Variants in POTEE observed in about 807,000 individuals in gnomAD.
POTEE encodes the protein ANKRD26-like family C member 1A.
Under a neutral mutation model 74.2 loss-of-function variants are expected in POTEE, and 21 were observed. That is an observed-to-expected ratio of 0.28 (90% confidence interval 0.20 to 0.41). The LOEUF (loss-of-function observed/expected upper bound fraction) is 0.41. POTEE is among the 10% of genes least tolerant of loss of function. POTEE has a pLI of 1.00. For synonymous variants in POTEE, 211 were observed against 432.8 expected (o/e 0.49, Z 6.36); for missense variants, 525 against 1,158.6 (o/e 0.45, Z 7.94).
chr2:131,212,025 C>T (rs1184240952), intron 2 of POTEE, among the ~76,000 whole-genome samples: 1 of 151,712 alleles, frequency 6.6e-6, no homozygotes, highest in African/African-American at 2.4e-5. Flanking sequence ...TTTTCTTTTG[C>T]TGCTGCTTCT....
chr2:131,218,891 C>G lies in POTEE; in HGVS notation c.489C>G (p.Asp163Glu). Reference protein sequence around the residue: ...PRKDLIVMLRDTDVNKKDKQK... With the variant: ...PRKDLIVMLRETDVNKKDKQK... ...AGGATCTCATCGTCATGCTCAGGGA[C>G]ACTGACGTGAACAAGAAGGACAAGC... The change falls in exon 4 of 18, where the codon GAC (aspartate) becomes GAG (glutamate). Residue 163 changes from aspartate (D) to glutamate (E), a missense_variant. Transcript: ENST00000683005. 2 of 1,613,262 alleles carry G rather than the reference C, an allele frequency of 1.2e-6. No homozygotes were observed. The highest frequency in any genetic ancestry group is 4.5e-5 in the East Asian group (2 of 44,876).
chr2:131,257,099 T>C (rs1440753702), intron 16 of POTEE, among the ~76,000 whole-genome samples: 2 of 132,454 alleles, frequency 1.5e-5, no homozygotes, highest in African/African-American at 5.9e-5. Context: ...ATCCCAACTT[T>C]CCCACCACCC....
chr2:131,210,907 AAGAG>A (rs1341293011), intron 1 of POTEE, among the ~76,000 whole-genome samples, 117 bp from the exon 2 acceptor site: 2 of 150,724 alleles, frequency 1.3e-5, no homozygotes, highest in African/African-American at 4.9e-5. Flanking sequence ...TTTTGCCAGA[AAGAG>A]AGGCTGGACT....
intron 8 of POTEE, chr2:131,229,701 A>C (rs529742195): frequency 7.9e-5 from 12 of 152,320 alleles, no homozygotes; most frequent in Admixed American, 6.5e-4. Context: ...TCTTTGAAGC[A>C]TTCCATATTT....
At chr2:131,221,402 T>C (rs1437022322) in intron 4 of POTEE, among the ~76,000 whole-genome samples, 1 of 152,210 alleles carries the variant, frequency 6.6e-6, no homozygotes, top group African/African-American at 2.4e-5. Context: ...TCGTGTTAGC[T>C]GAAAACATGT....
chr2:131,234,209 C>G (rs7602416), intron 9 of POTEE, among the ~76,000 whole-genome samples: 5,198 of 151,502 alleles, frequency 0.034, 31 homozygotes, highest in African/African-American at 0.11. Context: ...GGGAATGATA[C>G]TCTCCATGAC....
chr2:131,214,378 T>C (rs1474776048), intron 2 of POTEE, among the ~76,000 whole-genome samples: 87 of 152,364 alleles, frequency 5.7e-4, no homozygotes, highest in Non-Finnish European at 8.8e-4. Flanking sequence ...GAGGATCTTA[T>C]ATGGCAAATT....
At chr2:131,230,252 G>A (rs534925320) in intron 8 of POTEE, among the ~76,000 whole-genome samples, 2 of 152,248 alleles carry the variant, frequency 1.3e-5, no homozygotes, top group Admixed American at 6.5e-5. Context: ...CAACTAAGAA[G>A]CAAAATTAGG....
At chr2:131,222,035 T>G (rs1408194313) in intron 4 of POTEE, among the ~76,000 whole-genome samples, 12 of 152,288 alleles carry the variant, frequency 7.9e-5, no homozygotes, top group African/African-American at 1.4e-4. Context: ...TTAAAATTGG[T>G]GCATTAGGAC....
chr2:131,254,721 T>C (rs1701538378), intron 16 of POTEE, among the ~76,000 whole-genome samples: 1 of 143,448 alleles, frequency 7.0e-6, no homozygotes, highest in African/African-American at 2.5e-5. Flanking sequence ...CACCTCACCA[T>C]ATTTTTCCAG....
intron 12 of POTEE, among the ~76,000 whole-genome samples, chr2:131,243,791 C>G (rs1351816928): frequency 1.5e-5 from 2 of 137,100 alleles, no homozygotes; most frequent in Non-Finnish European, 3.2e-5. Context: ...TGGCATGAAC[C>G]CGGGAGGCGG....
intron 8 of POTEE, among the ~76,000 whole-genome samples, chr2:131,228,708 C>T (rs530811102): frequency 0.04 from 5,812 of 146,468 alleles, 999 homozygotes; most frequent in African/African-American, 0.15. Context: ...TTATTTGGGT[C>T]TTGAAATGTC....
At chr2:131,210,220 A>G (rs1700328774) in intron 1 of POTEE, among the ~76,000 whole-genome samples, 1 of 101,996 alleles carries the variant, frequency 9.8e-6, no homozygotes, top group South Asian at 4.4e-4. Flanking sequence ...GAGCTGCGCT[A>G]CCTGTGGTGG....
chr2:131,263,030 C>T (rs2105142526), intron 17 of POTEE, among the ~76,000 whole-genome samples: 1 of 151,546 alleles, frequency 6.6e-6, no homozygotes, highest in Admixed American at 6.6e-5. Context: ...TTTTGTAACT[C>T]AGAAAAAGGC....
intron 4 of POTEE, among the ~76,000 whole-genome samples, chr2:131,220,215 CT>C (rs576275628): frequency 0.034 from 5,069 of 150,808 alleles, 276 homozygotes; most frequent in African/African-American, 0.12. Context: ...TATATATATA[CT>C]TTTTTTTGGA....
rs760190565 is a variant in POTEE, at chr2:131,218,570, A to G, written c.168A>G (p.Thr56=). The part of the protein sequence containing the change: ...SGDHDDSAMK[T]LRSKMGKWCH... ...ACCACGACGACTCTGCTATGAAGAC[A>G]CTCAGGAGCAAGATGGGCAAGTGGT... Residue 56 remains threonine (T), a synonymous_variant, in exon 4 of 18, where the codon ACA becomes ACG. Transcript: ENST00000683005. The G allele has an allele frequency of 3.1e-6, 5 of 1,610,054 alleles. No individual in the cohort carries two copies. The highest frequency in any genetic ancestry group is 4.2e-6 in the Non-Finnish European group (5 of 1,179,252).
At chr2:131,260,668 A>G (rs1024446055) in intron 16 of POTEE, among the ~76,000 whole-genome samples, 4 of 144,868 alleles carry the variant, frequency 2.8e-5, no homozygotes, top group Non-Finnish European at 4.5e-5. Context: ...TTTATTTTGT[A>G]ACCTCTGAGA....
At chr2:131,220,730 G>A (rs1445382663) in intron 4 of POTEE, among the ~76,000 whole-genome samples, 2 of 152,024 alleles carry the variant, frequency 1.3e-5, no homozygotes, top group Non-Finnish European at 2.9e-5. Context: ...AGGAGGCTGA[G>A]GCAGGTGGAT....
In POTEE at chr2:131,209,798, T is replaced by A. The variant is rs1433738082; in HGVS notation, c.-366T>A. ...GTGGGACACTGCAGCTCGGCCAGAG[T>A]GGTAGAAATGTCCTGGTGTAGGTGA... On this transcript the variant is annotated 5_prime_UTR_variant, in exon 1 of 18. Coordinates refer to ENST00000683005, the MANE Select transcript of POTEE (RefSeq NM_001083538.3). Among the ~76,000 whole-genome samples, 2 of 151,688 alleles carry A rather than the reference T, an allele frequency of 1.3e-5. No homozygotes were observed. Among genetic ancestry groups the A allele is most frequent in the African/African-American group, 2.4e-5 (1 of 41,304 alleles).
Sources: allele counts gnomAD v4.1 joint callset (sites outside exome capture counted in the v4.1 genomes callset), GRCh38; gene constraint gnomAD v4.1.1; transcripts MANE v1.5; gene names NCBI Gene and HGNC (gene_info 2026-07-23, HGNC 2026-07-21).